Variants in GOLGB1 observed in about 807,000 individuals in gnomAD.
The protein encoded by GOLGB1 is golgin subfamily B member 1.
Under a neutral mutation model 336.9 loss-of-function variants are expected in GOLGB1, and 174 were observed. The ratio of observed to expected loss-of-function variants is 0.52; its 90% CI spans 0.46 to 0.59. The LOEUF (loss-of-function observed/expected upper bound fraction) is 0.59. Ranked by LOEUF, GOLGB1 falls within the 20% of genes least tolerant of loss-of-function variation. The pLI is 0.00. For synonymous variants in GOLGB1, 1,208 were observed against 1,289.2 expected (o/e 0.94, Z 1.35); for missense variants, 3,331 against 3,645.3 (o/e 0.91, Z 2.22).
At chr3:121,688,868 C>A (rs1239546173) in intron 14 of GOLGB1, among the ~76,000 whole-genome samples, 1 of 147,912 alleles carries the variant, frequency 6.8e-6, no homozygotes, top group Non-Finnish European at 1.5e-5. Flanking sequence ...AGCATCTCTG[C>A]CCAGCCGCCC....
chr3:121,699,992 TAAAC>T (rs1460559514), intron 11 of GOLGB1, 107 bp from the exon 12 acceptor site: 10 of 651,640 alleles, frequency 1.5e-5, no homozygotes, highest in Admixed American at 3.0e-5. Context: ...TTTTAAAAAA[TAAAC>T]AAAATAGCTT....
intron 1 of GOLGB1, among the ~76,000 whole-genome samples, chr3:121,747,305 G>GTA (rs1467886847): frequency 1.4e-5 from 2 of 140,924 alleles, no homozygotes; most frequent in Non-Finnish European, 3.1e-5. Flanking sequence ...GTGTATATAT[G>GTA]TATATATGTA....
intron 14 of GOLGB1, among the ~76,000 whole-genome samples, chr3:121,688,686 A>C (rs1430584066): frequency 1.5e-5 from 2 of 134,816 alleles, no homozygotes; most frequent in African/African-American, 2.9e-5. Context: ...CTGGCTGCCC[A>C]GTCTGGAAAG....
At chr3:121,669,411 T>A in intron 17 of GOLGB1, 56 bp from the exon 18 acceptor site, 3 of 1,365,784 alleles carry the variant, frequency 2.2e-6, no homozygotes, top group Non-Finnish European at 3.0e-6. Context: ...AGTGCTGAGG[T>A]GAAATGTTCT....
chr3:121,688,535 A>G (rs181673509), intron 14 of GOLGB1, among the ~76,000 whole-genome samples: 1,666 of 152,188 alleles, frequency 0.011, 31 homozygotes, highest in African/African-American at 0.038. Context: ...TCGGCTTGCT[A>G]CAACCTCCAC....
At position 121,725,706 on chromosome 3, in the gene GOLGB1, G is replaced by A. The variant is rs181869252; in HGVS notation, c.531+1207C>T. ...AACTGAATCCCCAGTGTGACAAGAGGCCTTTAAGAAAGGACTGGTTCAGGA... is the reference window on the plus strand; with the variant it reads ...AACTGAATCCCCAGTGTGACAAGAGACCTTTAAGAAAGGACTGGTTCAGGA... On this transcript the variant is annotated intron_variant, in intron 5 of 21. Coordinates refer to ENST00000614479, the MANE Select transcript of GOLGB1 (RefSeq NM_001366282.2). 2.0e-3 allele frequency among the ~76,000 whole-genome samples: 304 copies of A among 152,186 alleles called. 1 individual carries two copies. Among genetic ancestry groups the A allele is most frequent in the South Asian group, 8.1e-3 (39 of 4,810 alleles).
intron 16 of GOLGB1, 90 bp from the exon 17 acceptor site, chr3:121,677,120 GT>G: frequency 6.6e-7 from 1 of 1,504,628 alleles, no homozygotes; most frequent in Non-Finnish European, 9.1e-7. Flanking sequence ...CCCCATAGAA[GT>G]CATAAGGTGG....
At position 121,683,053 on chromosome 3, in the gene GOLGB1, A is replaced by ATTTTTTTTTTTTTTTTTTTTTTTTTTT. The variant is rs746649684; in HGVS notation, c.8695-1215_8695-1189dup. The stretch of plus-strand genomic sequence containing the variant: ...GCTGCTTAAGAAGCAATTTCTTTTA[A>ATTTTTTTTTTTTTTTTTTTTTTTTTTT]TTTTTTTTTTTTTTTTTTTTTTTTT... On this transcript the variant is annotated intron_variant, in intron 14 of 21. Transcript: ENST00000614479. Among the ~76,000 whole-genome samples the ATTTTTTTTTTTTTTTTTTTTTTTTTTT allele has an allele frequency of 5.1e-4, 42 of 82,498 alleles. 5 individuals carry two copies. The highest frequency in any genetic ancestry group is 7.5e-4 in the Non-Finnish European group (31 of 41,534). 54.1% of individuals were successfully genotyped at this position (82,498 alleles called of 152,430 possible).
At chr3:121,690,527 C>G (rs917554653) in intron 14 of GOLGB1, 143 bp downstream of exon 14, 1 of 440,062 alleles carries the variant, frequency 2.3e-6, no homozygotes, top group African/African-American at 2.0e-5. Flanking sequence ...TAAGACCAAA[C>G]AGAACCTGTG....
chr3:121,693,865 A>G lies in GOLGB1; in HGVS notation c.6658T>C (p.Phe2220Leu). The G allele has an allele frequency of 6.2e-7, 1 of 1,613,816 alleles. No homozygotes were observed. Residue 2220 changes from phenylalanine to leucine, a missense_variant, in exon 13 of 22, where the codon TTT becomes CTT. Phe to Leu is a conservative substitution (Grantham distance 22). Transcript: ENST00000614479. ...IDEAKKWERKFSDAIQSKEEE... is the reference protein window; with the variant it reads ...IDEAKKWERKLSDAIQSKEEE... ...TCTTTGCTTTGAATCGCATCACTAA[A>G]CTTCCTCTCCCATTTCTTAGCTTCA... is the stretch of plus-strand genomic sequence containing the variant.
rs1050959471 is a variant in GOLGB1 at position 121,696,128 on chromosome 3, T to C, written c.4395A>G (p.Glu1465=). ...CTGGTTTTTGCTTCATTTCACAAAGTTCCACCTGTAGCTGCTTTATCCTCT... is the reference window on the plus strand; with the variant it reads ...CTGGTTTTTGCTTCATTTCACAAAGCTCCACCTGTAGCTGCTTTATCCTCT... ...HDERIKQLQV[E]LCEMKQKPEE... is the part of the protein sequence containing the mutation. Residue 1465 remains glutamate (E), a synonymous_variant, in exon 13 of 22, where the codon GAA becomes GAG. Transcript: ENST00000614479. 2 of 1,614,024 alleles carry C rather than the reference T, an allele frequency of 1.2e-6. No individual in the cohort carries two copies. Among genetic ancestry groups the C allele is most frequent in the Admixed American group, 1.7e-5 (1 of 60,010 alleles).
In GOLGB1 at chr3:121,691,003, ATC is replaced by A. The variant is rs747719358; in HGVS notation, c.8359_8360del (p.Asp2787CysfsTer5). ...AAAAGGCGGTTTCAGAAAGAAGAGC[ATC>A]TCTCTCTCTGTTTAAGAGTCCCTGT... ...KEQGLLNRERDALLSETAFSM... is the reference protein window; with the variant it reads ...KEQGLLNRERXALLSETAFSM... On this transcript the variant is annotated frameshift_variant, in exon 14 of 22. Transcript: ENST00000614479. LOFTEE classifies it high-confidence loss of function. 1.9e-6 allele frequency: 3 copies of A among 1,613,622 alleles called. No homozygotes were observed. The highest frequency in any genetic ancestry group is 1.1e-5 in the South Asian group (1 of 91,052).
chr3:121,667,903 T>G (rs1485697748), intron 19 of GOLGB1, among the ~76,000 whole-genome samples, 158 bp downstream of exon 19: 1 of 152,228 alleles, frequency 6.6e-6, no homozygotes, highest in Non-Finnish European at 1.5e-5. Flanking sequence ...CAAATGTTAG[T>G]TATTATTGTT....
intron 14 of GOLGB1, among the ~76,000 whole-genome samples, chr3:121,685,552 A>AATAC (rs1171934399): frequency 6.6e-6 from 1 of 151,264 alleles, no homozygotes; most frequent in African/African-American, 2.4e-5. Flanking sequence ...TAAATAAATA[A>AATAC]ATAAATAAAT....
At position 121,696,967 on chromosome 3, in the gene GOLGB1, G is replaced by A; in HGVS notation, c.3556C>T (p.Gln1186Ter). ...GCCTTGCGGGAGGTTAAGGCTTCCT[G>A]TAGCTTCTTTTGAAGTTGCTCCTTT... The part of the protein sequence containing the change: ...KEKEQLQKKL[Q>*]EALTSRKAIL... The change falls in exon 13 of 22, where the codon CAG becomes TAG. Residue 1186 changes from glutamine (Q) to a stop codon, truncating the protein, a stop_gained. Transcript: ENST00000614479. LOFTEE classifies it high-confidence loss of function. 4 of 1,614,036 alleles carry A rather than the reference G, an allele frequency of 2.5e-6. No individual in the cohort carries two copies. Among genetic ancestry groups the A allele is most frequent in the Non-Finnish European group, 3.4e-6 (4 of 1,179,962 alleles).
intron 8 of GOLGB1, 145 bp from the exon 9 acceptor site, chr3:121,717,284 G>T: frequency 1.5e-6 from 1 of 665,516 alleles, no homozygotes; most frequent in South Asian, 2.1e-5. Context: ...AAGGAGAGTT[G>T]AAAATTAAGA....
chr3:121,725,512 G>T (rs1945519859), intron 5 of GOLGB1, among the ~76,000 whole-genome samples: 2 of 152,304 alleles, frequency 1.3e-5, no homozygotes, highest in African/African-American at 4.8e-5. Context: ...CTTGGAGGAA[G>T]ATAATGTGTT....
chr3:121,738,311 T>G (rs949127084), intron 1 of GOLGB1, among the ~76,000 whole-genome samples: 1 of 152,248 alleles, frequency 6.6e-6, no homozygotes, highest in Non-Finnish European at 1.5e-5. Flanking sequence ...AGGGGCCCCA[T>G]GGATTTTGTA....
At chr3:121,721,173 A>T (rs1032176868) in intron 6 of GOLGB1, among the ~76,000 whole-genome samples, 6 of 152,240 alleles carry the variant, frequency 3.9e-5, no homozygotes, top group African/African-American at 1.4e-4. Context: ...ATTTCAGGAT[A>T]TACAATTTTA....
Sources: allele counts gnomAD v4.1 joint callset (sites outside exome capture counted in the v4.1 genomes callset), GRCh38; gene constraint gnomAD v4.1.1; transcripts MANE v1.5; gene names NCBI Gene and HGNC (gene_info 2026-07-23, HGNC 2026-07-21).